SHROOM2: variants seen among roughly 807,000 people sequenced by gnomAD.
SHROOM2 encodes shroom family member 2.
Under a neutral mutation model 75.9 loss-of-function variants are expected in SHROOM2, and 33 were observed. The ratio of observed to expected loss-of-function variants is 0.43; its 90% confidence interval spans 0.33 to 0.58. The LOEUF (loss-of-function observed/expected upper bound fraction) is 0.58, where lower values mean the gene tolerates loss of function less well. Among genes scored for constraint, SHROOM2 ranks in the 20% least tolerant of loss-of-function variants. SHROOM2 has a pLI of 0.04. For missense variants in SHROOM2, 1,434 were observed against 1,461.2 expected (o/e 0.98, Z 0.30); for synonymous variants, 655 against 663.6 (o/e 0.99, Z 0.20).
At chrX:9,798,592 A>G (rs943626106) in intron 1 of SHROOM2, among the ~76,000 whole-genome samples, 23 of 112,013 alleles carry the variant, frequency 2.1e-4, no homozygotes, top group South Asian at 3.7e-4. Flanking sequence ...TAAGAATTAC[A>G]TTGTCAACAA....
In SHROOM2 at chrX:9,937,579, G is replaced by A; in HGVS notation, c.4033G>A (p.Asp1345Asn). The A allele has an allele frequency of 6.6e-6, 8 of 1,211,717 alleles. No homozygotes were observed. The highest frequency in any genetic ancestry group is 8.9e-6 in the Non-Finnish European group (8 of 895,411). Residue 1345 changes from aspartate (D) to asparagine (N), a missense_variant, in exon 7 of 10, where the codon GAC becomes AAC. Coordinates refer to ENST00000380913, the MANE Select transcript of SHROOM2 (RefSeq NM_001649.4). The stretch of plus-strand genomic sequence containing the variant: ...CAGTGTGAAGATCAAAACCACTATG[G>A]ACTTGATGGAAGGCATCTTCCCCAA... ...DPSVKIKTTM[D>N]LMEGIFPKDE...
In SHROOM2 at chrX:9,948,701, A is replaced by G. The variant is rs1275053505; in HGVS notation, c.*1764A>G. The stretch of plus-strand genomic sequence containing the variant: ...TTGGCAGCCTACCAATGCCAAAAGG[A>G]TAAATGTCTTTCCAAAAGTGTGTAT... On this transcript the variant is annotated 3_prime_UTR_variant, in exon 10 of 10. Coordinates refer to ENST00000380913, the MANE Select transcript of SHROOM2 (RefSeq NM_001649.4). 8.8e-6 allele frequency: 1 copy of G among 113,265 alleles called. No individual in the cohort carries two copies. Among genetic ancestry groups the G allele is most frequent in the Non-Finnish European group, 1.9e-5 (1 of 53,525 alleles). The allele number at this position is 113,265 out of a possible 1,213,427, so 9.3% of individuals were successfully genotyped here.
At chrX:9,877,121 C>A (rs1270406501) in intron 2 of SHROOM2, among the ~76,000 whole-genome samples, 1 of 111,904 alleles carries the variant, frequency 8.9e-6, no homozygotes, top group Non-Finnish European at 1.9e-5. Context: ...GCCACTTTCA[C>A]AAAGCGGTGG....
intron 1 of SHROOM2, among the ~76,000 whole-genome samples, chrX:9,808,058 C>G (rs779674576): frequency 1.2e-4 from 13 of 111,285 alleles, no homozygotes; most frequent in East Asian, 2.8e-4. Flanking sequence ...TGGATTGTCT[C>G]CACAGCCTGA....
chrX:9,858,034 C>T (rs936690331), intron 1 of SHROOM2, among the ~76,000 whole-genome samples: 2 of 111,809 alleles, frequency 1.8e-5, no homozygotes, highest in African/African-American at 6.5e-5. Context: ...TTATGTTTTC[C>T]CCGTGTTGCC....
intron 1 of SHROOM2, among the ~76,000 whole-genome samples, chrX:9,850,999 GTCTCA>G (rs1266028364): frequency 9.0e-6 from 1 of 110,705 alleles, no homozygotes; most frequent in African/African-American, 3.3e-5. Flanking sequence ...CTCTTTGTCA[GTCTCA>G]TCTCTTCCTC....
At chrX:9,812,481 A>G (rs1401192283) in intron 1 of SHROOM2, among the ~76,000 whole-genome samples, 1 of 112,246 alleles carries the variant, frequency 8.9e-6, no homozygotes, top group African/African-American at 3.2e-5. Context: ...GAGAGGCCAA[A>G]TGCAGCAACT....
chrX:9,842,030 G>T (rs953977307), intron 1 of SHROOM2, among the ~76,000 whole-genome samples: 1 of 111,972 alleles, frequency 8.9e-6, no homozygotes, highest in African/African-American at 3.2e-5. Context: ...CCACACTCCA[G>T]CCTGGGTGAC....
At chrX:9,827,962 G>A (rs2083896631) in intron 1 of SHROOM2, among the ~76,000 whole-genome samples, 1 of 112,119 alleles carries the variant, frequency 8.9e-6, no homozygotes, top group East Asian at 2.8e-4. Context: ...AAATGCAGAG[G>A]CTCAGGTCCT....
At chrX:9,851,635 T>G (rs2084041385) in intron 1 of SHROOM2, among the ~76,000 whole-genome samples, 1 of 104,471 alleles carries the variant, frequency 9.6e-6, no homozygotes, top group Admixed American at 1.0e-4. Flanking sequence ...TTTTGTATTT[T>G]TTTTTTTTTT....
intron 1 of SHROOM2, among the ~76,000 whole-genome samples, chrX:9,787,985 C>CTTTTTTTTTTT (rs199571103): frequency 1.2e-5 from 1 of 82,221 alleles, no homozygotes; most frequent in African/African-American, 5.2e-5. Flanking sequence ...TTCTTTCTTT[C>CTTTTTTTTTTT]TTTCTTCTTT....
chrX:9,938,437 C>T (rs978916924), intron 7 of SHROOM2, among the ~76,000 whole-genome samples: 1 of 110,424 alleles, frequency 9.1e-6, no homozygotes, highest in Non-Finnish European at 1.9e-5. Context: ...CCTGTAGTCC[C>T]AGCTACTCGA....
At chrX:9,946,612 G>A (rs1176475069) in intron 9 of SHROOM2, 59 bp from the exon 10 acceptor site, 24 of 1,126,539 alleles carry the variant, frequency 2.1e-5, no homozygotes, top group Non-Finnish European at 2.7e-5. Context: ...GTCTTCAAGG[G>A]TTGGCCAGTG....
intron 1 of SHROOM2, among the ~76,000 whole-genome samples, chrX:9,856,331 A>T (rs1352707356): frequency 1.8e-5 from 2 of 111,534 alleles, no homozygotes; most frequent in South Asian, 3.7e-4. Context: ...TTTCGGGCAG[A>T]TGCAATTTGT....
intron 5 of SHROOM2, among the ~76,000 whole-genome samples, 200 bp from the exon 6 acceptor site, chrX:9,931,975 C>T (rs956223947): frequency 9.1e-6 from 1 of 110,251 alleles, no homozygotes; most frequent in African/African-American, 3.3e-5. Context: ...ACATGCCAGT[C>T]GACAGCCTCA....
chrX:9,808,472 CAG>C (rs1410586437), intron 1 of SHROOM2, among the ~76,000 whole-genome samples: 1 of 109,886 alleles, frequency 9.1e-6, no homozygotes, highest in African/African-American at 3.3e-5. Flanking sequence ...TGGCTTGAGT[CAG>C]AGAGTTGGAG....
At chrX:9,857,758 C>T (rs1289180336) in intron 1 of SHROOM2, among the ~76,000 whole-genome samples, 1 of 110,898 alleles carries the variant, frequency 9.0e-6, no homozygotes, top group Non-Finnish European at 1.9e-5. Context: ...ACCCACCCCG[C>T]CCCCGAAATT....
intron 1 of SHROOM2, among the ~76,000 whole-genome samples, chrX:9,826,617 A>G (rs576317620): frequency 5.5e-5 from 6 of 109,964 alleles, no homozygotes; most frequent in African/African-American, 9.9e-5. Flanking sequence ...ACAAAAAAAT[A>G]CAGAAGATGT....
At chrX:9,938,490 C>A (rs2084737235) in intron 7 of SHROOM2, among the ~76,000 whole-genome samples, 1 of 111,749 alleles carries the variant, frequency 8.9e-6, no homozygotes, top group Non-Finnish European at 1.9e-5. Flanking sequence ...GAGTTGGAGG[C>A]TGCAGTGAGC....
Sources: gnomAD v4.1 joint callset for allele counts (sites outside exome capture counted in the v4.1 genomes callset) on GRCh38, gnomAD v4.1.1 for gene constraint, MANE v1.5 for transcripts, NCBI Gene and HGNC (gene_info 2026-07-23, HGNC 2026-07-21) for gene names.